The following CHRDL1 variants were observed in gnomAD, a reference collection of about 807,000 sequenced individuals.
CHRDL1 encodes chordin like 1.
In CHRDL1, 19 loss-of-function variants were observed where a neutral mutation model predicts 40.9. The ratio of observed to expected loss-of-function variants is 0.46; its 90% CI spans 0.32 to 0.68. The LOEUF is 0.68. Among genes scored for constraint, CHRDL1 ranks in the 30% least tolerant of loss-of-function variants. The probability of loss-of-function intolerance (pLI) is 0.03; values close to 1 mark genes in which losing one functional copy is unlikely to be tolerated. For missense variants in CHRDL1, 329 were observed against 352.1 expected, an observed-to-expected ratio of 0.93 and a Z score of 0.53; for synonymous variants, 136 against 123.4, an observed-to-expected ratio of 1.10 and a Z score of -0.68.
chrX:110,744,172 G>A (rs964670927), intron 4 of CHRDL1, among the ~76,000 whole-genome samples: 1 of 112,188 alleles, frequency 8.9e-6, no homozygotes, highest in African/African-American at 3.2e-5. Flanking sequence ...CAAATAAATA[G>A]CTGCAGGCGC....
At chrX:110,764,252 A>G (rs1206546557) in intron 2 of CHRDL1, among the ~76,000 whole-genome samples, 2 of 111,845 alleles carry the variant, frequency 1.8e-5, no homozygotes, top group Non-Finnish European at 3.8e-5. Context: ...TAATTAGGTC[A>G]CAGCTATTTA....
chrX:110,754,982 T>C (rs756040777), intron 4 of CHRDL1, among the ~76,000 whole-genome samples: 2 of 110,142 alleles, frequency 1.8e-5, no homozygotes, highest in South Asian at 7.7e-4. Context: ...TATTATGAAA[T>C]ATATACATAC....
intron 6 of CHRDL1, among the ~76,000 whole-genome samples, chrX:110,719,632 GTT>G (rs77947691): frequency 1.4e-3 from 130 of 96,072 alleles, no homozygotes; most frequent in Middle Eastern, 6.0e-3. Context: ...CCATCCTGTA[GTT>G]TTTTTTTTTT....
Position 110,759,658 on chromosome X carries a change from T to C in CHRDL1, c.301+3A>G. On this transcript the variant is annotated splice_donor_region_variant and intron_variant, in intron 4 of 11. Coordinates refer to ENST00000372042, the MANE Select transcript of CHRDL1 (RefSeq NM_001143981.2). The stretch of plus-strand genomic sequence containing the variant: ...TAGGAAAGAAAGAGACAAATTGCTT[T>C]ACCTGGGCAGCGAGGGCAGCACAGA... The C allele has an allele frequency of 8.5e-7, 1 of 1,171,355 alleles. No homozygotes were observed. The highest frequency in any genetic ancestry group is 1.2e-6 in the Non-Finnish European group (1 of 858,847).
chrX:110,758,245 GGAA>G (rs770392737), intron 4 of CHRDL1, among the ~76,000 whole-genome samples: 4 of 76,701 alleles, frequency 5.2e-5, no homozygotes, highest in Admixed American at 4.2e-4. Context: ...ATCCAGTTTA[GGAA>G]GAAGAAGCAA....
chrX:110,729,867 C>A (rs1483194853), intron 4 of CHRDL1, among the ~76,000 whole-genome samples: 1 of 112,162 alleles, frequency 8.9e-6, no homozygotes, highest in African/African-American at 3.2e-5. Flanking sequence ...TGGTACCTAC[C>A]CCATAGGTTG....
rs761211548 is a variant in CHRDL1 at position 110,686,097 on chromosome X, A to G, written c.988+2497T>C. On this transcript the variant is annotated intron_variant, in intron 9 of 11. Transcript: ENST00000372042. The stretch of plus-strand genomic sequence containing the variant: ...TTTTTGTAGAGATGGAGGTCTCATC[A>G]CATTGCCCAGGCTGGTCTCAAACTC... Among the ~76,000 whole-genome samples the G allele has an allele frequency of 3.6e-5, 4 of 109,713 alleles. No individual in the cohort carries two copies. The East Asian group carries it at 1.1e-3, about 31-fold the overall frequency.
At chrX:110,690,448 T>C (rs1404526794) in intron 8 of CHRDL1, among the ~76,000 whole-genome samples, 4 of 110,443 alleles carry the variant, frequency 3.6e-5, no homozygotes, top group Non-Finnish European at 5.7e-5. Flanking sequence ...TTCAGTTCTA[T>C]AGAAAATTTG....
intron 6 of CHRDL1, among the ~76,000 whole-genome samples, chrX:110,709,262 C>T (rs769284613): frequency 2.6e-4 from 29 of 112,278 alleles, no homozygotes; most frequent in Non-Finnish European, 4.9e-4. Context: ...CATTCTTTGC[C>T]TCCACTTCTT....
At chrX:110,764,995 C>T (rs186190674) in intron 2 of CHRDL1, among the ~76,000 whole-genome samples, 1 of 111,852 alleles carries the variant, frequency 8.9e-6, no homozygotes, top group Admixed American at 9.5e-5. Context: ...AAGTGCACCG[C>T]TGAACATAGA....
intron 6 of CHRDL1, among the ~76,000 whole-genome samples, chrX:110,709,378 C>G (rs1473523473): frequency 9.0e-6 from 1 of 111,350 alleles, no homozygotes; most frequent in Non-Finnish European, 1.9e-5. Context: ...TTGGATCAAA[C>G]AAACAAACAA....
intron 4 of CHRDL1, among the ~76,000 whole-genome samples, chrX:110,738,984 CT>C (rs2071314171): frequency 9.0e-6 from 1 of 111,419 alleles, no homozygotes; most frequent in Non-Finnish European, 1.9e-5. Flanking sequence ...TTTCACGTTC[CT>C]GCCCCAGGAT....
At chrX:110,764,120 A>C (rs2089616822) in intron 2 of CHRDL1, among the ~76,000 whole-genome samples, 1 of 110,890 alleles carries the variant, frequency 9.0e-6, no homozygotes. Context: ...TGATTTGTTC[A>C]TTGTAAATTC....
chrX:110,762,572 C>T (rs768292557), intron 3 of CHRDL1, 123 bp downstream of exon 3: 22 of 450,222 alleles, frequency 4.9e-5, no homozygotes, highest in East Asian at 7.8e-5. Context: ...ACAGTGCGAT[C>T]GGTCTGCTTC....
intron 4 of CHRDL1, among the ~76,000 whole-genome samples, chrX:110,727,698 A>G (rs1468831576): frequency 8.9e-6 from 1 of 112,487 alleles, no homozygotes; most frequent in African/African-American, 3.2e-5. Context: ...GCAGATTTAG[A>G]AAAATCCAAA....
At chrX:110,759,855 GAAT>G in intron 3 of CHRDL1, 101 bp from the exon 4 acceptor site, 1 of 556,209 alleles carries the variant, frequency 1.8e-6, no homozygotes, top group Admixed American at 2.4e-5. Flanking sequence ...CCCAGGCAGT[GAAT>G]AATGCATTCC....
At chrX:110,689,869 C>T (rs868755628) in intron 8 of CHRDL1, among the ~76,000 whole-genome samples, 1 of 18,975 alleles carries the variant, frequency 5.3e-5, no homozygotes, top group Non-Finnish European at 1.1e-4. Flanking sequence ...ATCTATATAT[C>T]TATATATATC....
At chrX:110,747,386 CAA>C (rs771351656) in intron 4 of CHRDL1, among the ~76,000 whole-genome samples, 2 of 71,424 alleles carry the variant, frequency 2.8e-5, no homozygotes, top group Non-Finnish European at 2.6e-5. Flanking sequence ...AACCAAAAAC[CAA>C]AAAAAAAAAA....
intron 2 of CHRDL1, among the ~76,000 whole-genome samples, chrX:110,770,510 GA>G (rs953368678): frequency 1.8e-5 from 2 of 109,797 alleles, no homozygotes; most frequent in Admixed American, 9.7e-5. Context: ...GACAAAATAA[GA>G]AAAAAAATAG....
Sources: gnomAD v4.1 joint callset for allele counts (sites outside exome capture counted in the v4.1 genomes callset) on GRCh38, gnomAD v4.1.1 for gene constraint, MANE v1.5 for transcripts, NCBI Gene and HGNC (gene_info 2026-07-23, HGNC 2026-07-21) for gene names.